CNTNAP2: variants seen among roughly 807,000 people sequenced by gnomAD.
The protein encoded by CNTNAP2 is contactin associated protein 2, also known as contactin-associated protein-like 2.
A neutral mutation model predicts 155.2 loss-of-function variants in CNTNAP2; 98 were observed. The ratio of observed to expected loss-of-function variants is 0.63; its 90% CI spans 0.54 to 0.75. The LOEUF (loss-of-function observed/expected upper bound fraction) is 0.75, where lower values mean the gene tolerates loss of function less well. CNTNAP2 is among the 30% of genes least tolerant of loss of function. The probability of loss-of-function intolerance (pLI) is 0.00; values close to 1 mark genes in which losing one functional copy is unlikely to be tolerated. For missense variants in CNTNAP2, 1,727 were observed against 1,688.1 expected, an observed-to-expected ratio of 1.02 and a Z score of -0.40; for synonymous variants, 651 against 631.2, an observed-to-expected ratio of 1.03 and a Z score of -0.47.
chr7:147,235,186 T>C (rs1181666752), intron 8 of CNTNAP2, among the ~76,000 whole-genome samples: 1 of 150,990 alleles, frequency 6.6e-6, no homozygotes, highest in Non-Finnish European at 1.5e-5. Context: ...TTAGACATTG[T>C]TTTTTTTTCC....
chr7:146,884,287 G>GTCCAC (rs1209541822), intron 3 of CNTNAP2, among the ~76,000 whole-genome samples: 1 of 152,106 alleles, frequency 6.6e-6, no homozygotes, highest in Non-Finnish European at 1.5e-5. Flanking sequence ...GACCTGCACA[G>GTCCAC]TTCAAATTTG....
chr7:147,761,782 A>G (rs1797302041), intron 13 of CNTNAP2, among the ~76,000 whole-genome samples: 1 of 152,202 alleles, frequency 6.6e-6, no homozygotes, highest in Non-Finnish European at 1.5e-5. Context: ...CAAAGCACAG[A>G]ATATACAGTT....
At chr7:147,533,120 G>C (rs1055790971) in intron 11 of CNTNAP2, among the ~76,000 whole-genome samples, 1 of 152,210 alleles carries the variant, frequency 6.6e-6, no homozygotes, top group Non-Finnish European at 1.5e-5. Flanking sequence ...AGAACACATA[G>C]ATTATAATGA....
At chr7:146,903,101 G>A (rs983151454) in intron 3 of CNTNAP2, among the ~76,000 whole-genome samples, 1 of 152,160 alleles carries the variant, frequency 6.6e-6, no homozygotes, top group Admixed American at 6.5e-5. Flanking sequence ...ATTCAAGACT[G>A]TGATCTATGG....
chr7:147,937,872 A>G (rs1315030946), intron 14 of CNTNAP2, among the ~76,000 whole-genome samples: 1 of 152,206 alleles, frequency 6.6e-6, no homozygotes, highest in African/African-American at 2.4e-5. Context: ...TGCTCTTTAG[A>G]TCATACTATA....
chr7:148,345,139 G>A (rs1292352669), intron 21 of CNTNAP2, among the ~76,000 whole-genome samples: 3 of 152,124 alleles, frequency 2.0e-5, no homozygotes, highest in Admixed American at 6.5e-5. Flanking sequence ...AAGGAGAGGG[G>A]ACTTAGGGAG....
chr7:146,396,568 T>G (rs1795630207), intron 1 of CNTNAP2, among the ~76,000 whole-genome samples: 1 of 147,688 alleles, frequency 6.8e-6, no homozygotes, highest in South Asian at 2.1e-4. Context: ...ATGAAGTCAG[T>G]TAAAATGTTT....
At chr7:146,634,776 C>T (rs1799570360) in intron 1 of CNTNAP2, among the ~76,000 whole-genome samples, 1 of 152,072 alleles carries the variant, frequency 6.6e-6, no homozygotes, top group African/African-American at 2.4e-5. Context: ...TCTTCAGTGG[C>T]ACTTATATGT....
intron 13 of CNTNAP2, among the ~76,000 whole-genome samples, chr7:147,786,783 C>A (rs771658935): frequency 6.6e-6 from 1 of 152,082 alleles, no homozygotes; most frequent in Admixed American, 6.5e-5. Context: ...GCCTGGGCCA[C>A]ACTGCAAGAC....
chr7:146,233,713 G>A (rs1799424322), intron 1 of CNTNAP2, among the ~76,000 whole-genome samples: 2 of 152,120 alleles, frequency 1.3e-5, no homozygotes, highest in South Asian at 4.2e-4. Context: ...AGAATATGCG[G>A]TGTTTGGTTT....
chr7:146,317,344 C>A (rs1392073438), intron 1 of CNTNAP2, among the ~76,000 whole-genome samples: 1 of 152,122 alleles, frequency 6.6e-6, no homozygotes, highest in African/African-American at 2.4e-5. Flanking sequence ...TTTGTCCCAT[C>A]TTTCTGAGAA....
At chr7:147,840,923 A>G (rs1303340133) in intron 13 of CNTNAP2, among the ~76,000 whole-genome samples, 1 of 152,176 alleles carries the variant, frequency 6.6e-6, no homozygotes, top group Non-Finnish European at 1.5e-5. Flanking sequence ...CCTTGAACTC[A>G]GAAAAATTAC....
chr7:148,105,344 T>C (rs1321783059), intron 15 of CNTNAP2, among the ~76,000 whole-genome samples: 1 of 152,012 alleles, frequency 6.6e-6, no homozygotes, highest in Non-Finnish European at 1.5e-5. Flanking sequence ...GAGGAAACAG[T>C]GCAAATAAAG....
chr7:147,712,220 G>A (rs895067908), intron 13 of CNTNAP2, among the ~76,000 whole-genome samples: 1 of 152,156 alleles, frequency 6.6e-6, no homozygotes, highest in Non-Finnish European at 1.5e-5. Context: ...CAGTTAGAAT[G>A]GCGGTCATTA....
intron 1 of CNTNAP2, among the ~76,000 whole-genome samples, chr7:146,443,614 A>G (rs1796359357): frequency 6.6e-6 from 1 of 152,240 alleles, no homozygotes; most frequent in Non-Finnish European, 1.5e-5. Context: ...CAGTGTCGTC[A>G]TTTTGTAACA....
At chr7:148,172,153 C>A in intron 17 of CNTNAP2, 89 bp from the exon 18 acceptor site, 1 of 1,274,774 alleles carries the variant, frequency 7.8e-7, no homozygotes, top group Non-Finnish European at 1.1e-6. Context: ...TATGCAGTGT[C>A]ATCTCCTACC....
At chr7:146,913,155 G>A (rs1367080721) in intron 3 of CNTNAP2, among the ~76,000 whole-genome samples, 1 of 152,126 alleles carries the variant, frequency 6.6e-6, no homozygotes, top group African/African-American at 2.4e-5. Context: ...GCTTTAGAAG[G>A]CAAAAATGAG....
At chr7:146,859,884 G>A (rs1166719567) in intron 3 of CNTNAP2, among the ~76,000 whole-genome samples, 1 of 152,052 alleles carries the variant, frequency 6.6e-6, no homozygotes, top group African/African-American at 2.4e-5. Context: ...CAGCTGCCGG[G>A]CTAGGAAAAT....
At chr7:146,648,942 G>A (rs1799860503) in intron 1 of CNTNAP2, among the ~76,000 whole-genome samples, 1 of 152,016 alleles carries the variant, frequency 6.6e-6, no homozygotes, top group South Asian at 2.1e-4. Context: ...ATTGTTGGCG[G>A]ACAGATGATG....
Sources: gnomAD v4.1 joint callset for allele counts (sites outside exome capture counted in the v4.1 genomes callset) on GRCh38, gnomAD v4.1.1 for gene constraint, MANE v1.5 for transcripts, NCBI Gene and HGNC (gene_info 2026-07-23, HGNC 2026-07-21) for gene names.